Variants in PPARG observed in about 807,000 individuals in gnomAD.
PPARG encodes peroxisome proliferator-activated receptor gamma.
In PPARG, 17 loss-of-function variants were observed where a neutral mutation model predicts 39.2. That is an observed-to-expected ratio of 0.43 (90% CI 0.30 to 0.65). The LOEUF is 0.65. PPARG is among the 30% of genes least tolerant of loss of function. The pLI is 0.13. For synonymous variants in PPARG, 223 were observed against 215.7 expected, an observed-to-expected ratio of 1.03 and a Z score of -0.30; for missense variants, 406 against 585.9, an observed-to-expected ratio of 0.69 and a Z score of 3.17.
At chr3:12,299,426 T>C (rs17036188) in intron 1 of PPARG, among the ~76,000 whole-genome samples, 6,661 of 152,230 alleles carry the variant, frequency 0.044, 390 homozygotes, top group East Asian at 0.33. Context: ...AAAATCTGTA[T>C]CCTTGAATAT....
chr3:12,355,930 T>C (rs1164644026), intron 2 of PPARG, among the ~76,000 whole-genome samples: 1 of 152,218 alleles, frequency 6.6e-6, no homozygotes. Flanking sequence ...CTTATAACTC[T>C]GTTAGGATAA....
chr3:12,412,542 T>A (rs1184055870), intron 6 of PPARG, among the ~76,000 whole-genome samples: 1 of 152,208 alleles, frequency 6.6e-6, no homozygotes, highest in Non-Finnish European at 1.5e-5. Context: ...AATTGATTTC[T>A]CCTTACAGAA....
intron 2 of PPARG, among the ~76,000 whole-genome samples, chr3:12,327,061 C>A (rs2047715862): frequency 6.6e-6 from 1 of 151,966 alleles, no homozygotes; most frequent in African/African-American, 2.4e-5. Context: ...AAAAGAATGA[C>A]TAATTTACTG....
At chr3:12,419,993 A>G (rs144876727) in intron 7 of PPARG, among the ~76,000 whole-genome samples, 13 of 152,332 alleles carry the variant, frequency 8.5e-5, no homozygotes, top group African/African-American at 2.6e-4. Flanking sequence ...ACAGAAAGGT[A>G]TAAGTGAAAA....
chr3:12,394,080 A>C (rs2050175365), intron 5 of PPARG, among the ~76,000 whole-genome samples: 2 of 152,156 alleles, frequency 1.3e-5, no homozygotes, highest in African/African-American at 4.8e-5. Context: ...TTTTTATTTC[A>C]GACCTCATAA....
At chr3:12,361,373 A>G (rs1030074647) in intron 2 of PPARG, among the ~76,000 whole-genome samples, 2 of 152,166 alleles carry the variant, frequency 1.3e-5, no homozygotes, top group African/African-American at 4.8e-5. Context: ...AGTCTGATAT[A>G]CTAGATTTTT....
chr3:12,342,435 A>T (rs2048209919), intron 2 of PPARG, among the ~76,000 whole-genome samples: 1 of 152,220 alleles, frequency 6.6e-6, no homozygotes, highest in Non-Finnish European at 1.5e-5. Context: ...ACTATAAAGA[A>T]CATTTGGGGT....
At chr3:12,358,735 T>C (rs1320281596) in intron 2 of PPARG, among the ~76,000 whole-genome samples, 1 of 152,182 alleles carries the variant, frequency 6.6e-6, no homozygotes, top group Non-Finnish European at 1.5e-5. Context: ...TACAAAGAGT[T>C]CTGTTTGCCA....
chr3:12,427,882 A>G (rs1232158223), intron 7 of PPARG, among the ~76,000 whole-genome samples: 52 of 152,212 alleles, frequency 3.4e-4, no homozygotes, highest in Non-Finnish European at 1.5e-5. Context: ...ATCAATTTAC[A>G]GCTGCCCTGC....
intron 6 of PPARG, among the ~76,000 whole-genome samples, chr3:12,416,441 G>A (rs1388812769): frequency 6.6e-6 from 1 of 152,120 alleles, no homozygotes; most frequent in Non-Finnish European, 1.5e-5. Context: ...AAGAAATCAG[G>A]ATTCTTAGCC....
upstream of PPARG, among the ~76,000 whole-genome samples, chr3:12,288,282 G>T (rs924156855): frequency 6.6e-6 from 1 of 151,944 alleles, no homozygotes; most frequent in Non-Finnish European, 1.5e-5. Context: ...GGGTGAAGGG[G>T]TCTTGGGCTG....
At chr3:12,321,560 T>A (rs1057422095) in intron 2 of PPARG, among the ~76,000 whole-genome samples, 1 of 152,222 alleles carries the variant, frequency 6.6e-6, no homozygotes, top group African/African-American at 2.4e-5. Flanking sequence ...CAGGTTTTCC[T>A]TATTCCTCAT....
chr3:12,421,010 T>C (rs2051241588), intron 7 of PPARG, among the ~76,000 whole-genome samples: 1 of 152,248 alleles, frequency 6.6e-6, no homozygotes, highest in African/African-American at 2.4e-5. Flanking sequence ...GGGCATTTCA[T>C]GTTCATTCTC....
Position 12,350,249 on chromosome 3 carries a change from G to T in PPARG, c.-8-29455G>T, listed in dbSNP as rs187775653. On this transcript the variant is annotated intron_variant, in intron 2 of 7. Coordinates refer to ENST00000651735, the MANE Select transcript of PPARG (RefSeq NM_138711.6). ...CAAACCCAAGTTTTGCTTTAACTTG[G>T]ATTGCCTTAATAAAGATGTTTTGGG... 5.3e-5 allele frequency among the ~76,000 whole-genome samples: 8 copies of T among 152,244 alleles called. No homozygotes were observed. The East Asian group carries it at 1.5e-3, about 29-fold the overall frequency.
chr3:12,351,723 T>G (rs1301596222), intron 2 of PPARG: 1 of 1,440,898 alleles, frequency 6.9e-7, no homozygotes, highest in South Asian at 1.1e-5. Flanking sequence ...GGCATTTATG[T>G]AAGGGTAAAA....
intron 2 of PPARG, among the ~76,000 whole-genome samples, chr3:12,359,931 T>C (rs2048787488): frequency 1.3e-5 from 2 of 152,094 alleles, no homozygotes; most frequent in Non-Finnish European, 2.9e-5. Flanking sequence ...CCTGCACTTT[T>C]CAAAGTGCTG....
intron 6 of PPARG, among the ~76,000 whole-genome samples, chr3:12,415,669 A>G (rs1339899872): frequency 6.6e-6 from 1 of 152,256 alleles, no homozygotes; most frequent in East Asian, 1.9e-4. Flanking sequence ...ATATTTTAAA[A>G]TATAAATTCA....
chr3:12,321,271 C>T (rs2047536458), intron 2 of PPARG, among the ~76,000 whole-genome samples: 1 of 152,102 alleles, frequency 6.6e-6, no homozygotes, highest in South Asian at 2.1e-4. Flanking sequence ...GTCTTGCTTC[C>T]CTCTGATACA....
intron 1 of PPARG, among the ~76,000 whole-genome samples, chr3:12,291,405 T>A (rs1016648487): frequency 6.7e-6 from 1 of 149,870 alleles, no homozygotes; most frequent in Non-Finnish European, 1.5e-5. Context: ...TCAACTTCAG[T>A]TAGTTTCATA....
Sources: gnomAD v4.1 joint callset for allele counts (sites outside exome capture counted in the v4.1 genomes callset) on GRCh38, gnomAD v4.1.1 for gene constraint, MANE v1.5 for transcripts, NCBI Gene and HGNC (gene_info 2026-07-23, HGNC 2026-07-21) for gene names.